NMD3: variants seen among roughly 807,000 people sequenced by gnomAD.
NMD3 encodes NMD3 ribosome export adaptor.
Under a neutral mutation model 73.1 loss-of-function variants are expected in NMD3, and 47 were observed. That is an observed-to-expected ratio of 0.64 (90% CI 0.51 to 0.82). The LOEUF (loss-of-function observed/expected upper bound fraction) is 0.82, where lower values mean the gene tolerates loss of function less well. Ranked by LOEUF, NMD3 falls within the 40% of genes least tolerant of loss-of-function variation. NMD3 has a pLI of 0.00. For synonymous variants in NMD3, 210 were observed against 194.5 expected, an observed-to-expected ratio of 1.08 and a Z score of -0.66; for missense variants, 554 against 612.5, an observed-to-expected ratio of 0.90 and a Z score of 1.01.
chr3:161,233,809 G>T (rs769886253), intron 5 of NMD3, among the ~76,000 whole-genome samples: 1 of 152,010 alleles, frequency 6.6e-6, no homozygotes, highest in Non-Finnish European at 1.5e-5. Flanking sequence ...ATGTGAGGCC[G>T]GGAATCTATA....
intron 4 of NMD3, among the ~76,000 whole-genome samples, chr3:161,231,662 T>C (rs1172494044): frequency 6.6e-6 from 1 of 152,130 alleles, no homozygotes; most frequent in Non-Finnish European, 1.5e-5. Context: ...TGGTCTGTAA[T>C]TAGCAATGAA....
chr3:161,235,673 A>G (rs1156368687), intron 7 of NMD3, among the ~76,000 whole-genome samples: 2 of 152,136 alleles, frequency 1.3e-5, no homozygotes, highest in African/African-American at 2.4e-5. Context: ...CCATTAAGCC[A>G]TCCAATTTGA....
chr3:161,227,133 T>A (rs1736349289), intron 3 of NMD3, 114 bp from the exon 4 acceptor site: 2 of 630,948 alleles, frequency 3.2e-6, no homozygotes, highest in Non-Finnish European at 5.6e-6. Flanking sequence ...CTTCATATCA[T>A]CCTTGGGTTT....
Position 161,246,359 on chromosome 3 carries a change from A to G in NMD3, c.1041A>G (p.Val347=). ...AGCATACCCTCGGGGAAGTCTGGGT[A>G]CAGAAGACATCTGAAATGAATACAG... ...SKKHTLGEVW[V]QKTSEMNTDK... is the part of the protein sequence containing the mutation. Residue 347 remains valine, a synonymous_variant, in exon 12 of 16, where the codon GTA becomes GTG. Coordinates refer to ENST00000351193, the MANE Select transcript of NMD3 (RefSeq NM_015938.5). 1.4e-6 allele frequency: 2 copies of G among 1,480,572 alleles called. No individual in the cohort carries two copies. The highest frequency in any genetic ancestry group is 1.8e-6 in the Non-Finnish European group (2 of 1,085,882). The allele number at this position is 1,480,572 out of a possible 1,614,324, so 91.7% of individuals were successfully genotyped here.
intron 12 of NMD3, among the ~76,000 whole-genome samples, chr3:161,246,933 G>T (rs1438852649): frequency 8.0e-5 from 12 of 149,722 alleles, no homozygotes; most frequent in African/African-American, 2.2e-4. Flanking sequence ...AGAATGAGGT[G>T]TTTTTTTTTT....
chr3:161,237,600 T>C (rs1363485742), intron 7 of NMD3, among the ~76,000 whole-genome samples: 11 of 150,432 alleles, frequency 7.3e-5, no homozygotes, highest in African/African-American at 2.4e-4. Flanking sequence ...AGTGCAGTGT[T>C]GCGATCTGGG....
chr3:161,250,150 A>C (rs1339561340), intron 14 of NMD3, 106 bp from the exon 15 acceptor site: 3 of 610,490 alleles, frequency 4.9e-6, no homozygotes, highest in Non-Finnish European at 8.5e-6. Flanking sequence ...ATGAAATGTG[A>C]GTTGGAAACA....
intron 2 of NMD3, among the ~76,000 whole-genome samples, chr3:161,224,014 CTT>C (rs1281707266): frequency 1.3e-5 from 2 of 152,098 alleles, no homozygotes; most frequent in African/African-American, 4.8e-5. Flanking sequence ...TAAATGTTAT[CTT>C]TATGGATAGT....
Position 161,249,490 on chromosome 3 carries a change from C to T in NMD3, c.1240C>T (p.Gln414Ter). 1.2e-6 allele frequency: 2 copies of T among 1,612,022 alleles called. No homozygotes were observed. Among genetic ancestry groups the T allele is most frequent in the Non-Finnish European group, 1.7e-6 (2 of 1,179,074 alleles). ...GAAGAGCTATGACCGGACCAAACGT[C>T]AGCGTCGTAGAAACTGGAAATTGAA... ...IKKSYDRTKRQRRRNWKLKEL... is the reference protein window; with the variant it reads ...IKKSYDRTKR Residue 414 changes from glutamine (Q) to a stop codon, truncating the protein, a stop_gained, in exon 14 of 16, where the codon CAG becomes TAG. Coordinates refer to ENST00000351193, the MANE Select transcript of NMD3 (RefSeq NM_015938.5). LOFTEE classifies it high-confidence loss of function.
downstream of NMD3, chr3:161,252,893 G>C (rs1737544613): frequency 4.8e-6 from 3 of 627,262 alleles, no homozygotes; most frequent in Non-Finnish European, 8.5e-6. Flanking sequence ...CAGGCCAGGA[G>C]TTCAAGACCA....
Position 161,246,381 on chromosome 3 carries a change from A to ACAG in NMD3, c.1064_1066dup (p.Thr355_Asp356insAla). The stretch of plus-strand genomic sequence containing the variant: ...GGTACAGAAGACATCTGAAATGAAT[A>ACAG]CAGATAAACAGTATTTTTGTCGTAC... On this transcript the variant is annotated inframe_insertion, in exon 12 of 16. Coordinates refer to ENST00000351193, the MANE Select transcript of NMD3 (RefSeq NM_015938.5). The ACAG allele has an allele frequency of 6.6e-7, 1 of 1,519,106 alleles. No individual in the cohort carries two copies. Among genetic ancestry groups the ACAG allele is most frequent in the Non-Finnish European group, 9.0e-7 (1 of 1,114,840 alleles). The allele number at this position is 1,519,106 out of a possible 1,614,324, so 94.1% of individuals were successfully genotyped here.
upstream of NMD3, among the ~76,000 whole-genome samples, chr3:161,221,111 G>C (rs1026894193): frequency 2.0e-5 from 3 of 152,154 alleles, no homozygotes; most frequent in African/African-American, 7.2e-5. Flanking sequence ...CCTGGCCTGG[G>C]AAAATCGAGA....
In NMD3 at chr3:161,233,491, A is replaced by G. The variant is rs116816970; in HGVS notation, c.357+12A>G. 19,997 of 1,544,502 alleles carry G rather than the reference A, an allele frequency of 0.013. 163 individuals are homozygous for G. Among genetic ancestry groups the G allele is most frequent in the Middle Eastern group, 0.019 (113 of 5,876 alleles). ...CTATTCAGAAAGAGGTAAGCAGTAC[A>G]TAATTTTCTCAGCATGGTTAAAGTG... On this transcript the variant is annotated intron_variant, in intron 5 of 15. Coordinates refer to ENST00000351193, the MANE Select transcript of NMD3 (RefSeq NM_015938.5).
At chr3:161,227,892 A>G (rs1736385132) in intron 4 of NMD3, among the ~76,000 whole-genome samples, 1 of 152,102 alleles carries the variant, frequency 6.6e-6, no homozygotes. Context: ...TTTGTTATTT[A>G]TCGAGAATCT....
In NMD3 at chr3:161,247,311, C is replaced by T. The variant is rs1737254685; in HGVS notation, c.1184C>T (p.Ser395Leu). 1 of 1,609,424 alleles carries T rather than the reference C, an allele frequency of 6.2e-7. No homozygotes were observed. The highest frequency in any genetic ancestry group is 2.2e-5 in the East Asian group (1 of 44,734). ...LNDEHVNKMN[S>L]DRVPDVVLIK... ...GATGAGCATGTCAACAAAATGAACT[C>T]AGATAGAGTTCCAGATGTGGTAAGG... Residue 395 changes from serine (S) to leucine (L), a missense_variant, in exon 13 of 16, where the codon TCA becomes TTA. By Grantham distance (145) the Ser-to-Leu change is moderately radical. Transcript: ENST00000351193.
rs1736714892 is a variant in NMD3 at position 161,235,289 on chromosome 3, G to C, written c.577+77G>C. 22 of 584,436 alleles carry C rather than the reference G, an allele frequency of 3.8e-5. 1 individual carries two copies. In the South Asian group the frequency reaches 4.7e-4, roughly 12 times the overall value. The allele number at this position is 584,436 out of a possible 1,614,324, so 36.2% of individuals were successfully genotyped here. ...ATACCTAAGTAATCTTATATTTACT[G>C]ATAATATCTGGATTAGTACTGTCCA... On this transcript the variant is annotated intron_variant, in intron 7 of 15. Transcript: ENST00000351193.
At chr3:161,240,232 T>C (rs1398131187) in intron 9 of NMD3, among the ~76,000 whole-genome samples, 3 of 152,210 alleles carry the variant, frequency 2.0e-5, no homozygotes, top group Non-Finnish European at 4.4e-5. Context: ...TAAAAACAGA[T>C]AATTACGTTG....
intron 11 of NMD3, among the ~76,000 whole-genome samples, chr3:161,245,044 A>G (rs150779012): frequency 4.5e-4 from 69 of 152,196 alleles, no homozygotes; most frequent in Admixed American, 1.2e-3. Context: ...AATCACATGT[A>G]TAGTTTATAA....
At chr3:161,253,110 TAAA>T (rs943520425), downstream of NMD3, 1 of 188,716 alleles carries the variant, frequency 5.3e-6, no homozygotes, top group South Asian at 1.6e-4. Flanking sequence ...ACTCCCCCAA[TAAA>T]AAAAGTCTGA....
Sources: allele counts gnomAD v4.1 joint callset (sites outside exome capture counted in the v4.1 genomes callset), GRCh38; gene constraint gnomAD v4.1.1; transcripts MANE v1.5; gene names NCBI Gene and HGNC (gene_info 2026-07-23, HGNC 2026-07-21).